The following SOBP variants were observed in gnomAD, a reference collection of about 807,000 sequenced individuals.
The protein encoded by SOBP is sine oculis-binding protein homolog.
A neutral mutation model predicts 53.6 loss-of-function variants in SOBP; 4 were observed. That is an observed-to-expected ratio of 0.07 (90% CI 0.04 to 0.17). SOBP has a LOEUF of 0.17. Among genes scored for constraint, SOBP ranks in the 10% least tolerant of loss-of-function variants. The probability of loss-of-function intolerance (pLI) is 1.00; values close to 1 mark genes in which losing one functional copy is unlikely to be tolerated. For missense variants in SOBP, 1,088 were observed against 1,204.7 expected, an observed-to-expected ratio of 0.90 and a Z score of 1.43; for synonymous variants, 584 against 522.6, an observed-to-expected ratio of 1.12 and a Z score of -1.60.
chr6:107,561,642 C>T (rs927416332), intron 4 of SOBP, among the ~76,000 whole-genome samples: 1 of 152,196 alleles, frequency 6.6e-6, no homozygotes, highest in Non-Finnish European at 1.5e-5. Context: ...AGGAGCTTGG[C>T]TGGTCAGATT....
rs533793334 is a variant in SOBP at position 107,516,579 on chromosome 6, C to T, written c.421+10152C>T. 2.6e-5 allele frequency among the ~76,000 whole-genome samples: 4 copies of T among 151,904 alleles called. No individual in the cohort carries two copies. The East Asian group carries it at 5.8e-4, about 22-fold the overall frequency. ...TAAGGAAATAAAAAGGAGTAAGAAA[C>T]TCAAGATTTGTAAGACAGAAATGCT... On this transcript the variant is annotated intron_variant, in intron 3 of 6. Coordinates refer to ENST00000317357, the MANE Select transcript of SOBP (RefSeq NM_018013.4).
chr6:107,503,529 C>T (rs1438132435), intron 1 of SOBP, 128 bp from the exon 2 acceptor site: 1 of 975,280 alleles, frequency 1.0e-6, no homozygotes, highest in Non-Finnish European at 1.6e-6. Context: ...GAAAAATGAA[C>T]ACCACACTAG....
intron 3 of SOBP, among the ~76,000 whole-genome samples, chr6:107,530,475 T>C (rs554206423): frequency 6.6e-6 from 1 of 152,216 alleles, no homozygotes; most frequent in South Asian, 2.1e-4. Context: ...TTTTGAACTA[T>C]AGTTTGGCTG....
At chr6:107,539,745 A>G (rs376112663) in intron 4 of SOBP, among the ~76,000 whole-genome samples, 1 of 152,230 alleles carries the variant, frequency 6.6e-6, no homozygotes, top group East Asian at 1.9e-4. Flanking sequence ...TGGGACGAAC[A>G]TTCTCCTTAT....
chr6:107,635,063 C>A lies in SOBP; in HGVS notation c.2219C>A (p.Pro740Gln). 6.5e-7 allele frequency: 1 copy of A among 1,538,668 alleles called. No individual in the cohort carries two copies. Residue 740 changes from proline to glutamine, a missense_variant, in exon 6 of 7, where the codon CCG becomes CAG. This residue lies in a region of SOBP where 665 missense variants were observed against 629.7 expected (regional missense o/e 1.06). Transcript: ENST00000317357. This position sits in a 1 kb window ranked among gnomAD's most constrained non-coding sequence, Gnocchi z 4.5. The part of the protein sequence containing the change: ...AAAEGAKSAE[P>Q]PPEQPPPPPP... ...GCCGAGGGCGCTAAGAGCGCGGAGC[C>A]GCCTCCCGAGCAGCCGCCGCCGCCG...
intron 5 of SOBP, among the ~76,000 whole-genome samples, chr6:107,593,502 C>G (rs1167236319): frequency 6.6e-6 from 1 of 152,200 alleles, no homozygotes; most frequent in African/African-American, 2.4e-5. Context: ...CCAAGGGAGG[C>G]ACTGTGGTCT....
intron 5 of SOBP, among the ~76,000 whole-genome samples, chr6:107,620,918 T>G (rs1786980944): frequency 6.6e-6 from 1 of 152,214 alleles, no homozygotes; most frequent in African/African-American, 2.4e-5. Flanking sequence ...TACAGTTTTC[T>G]TCTGCATCTC....
chr6:107,599,367 AACTC>A (rs1354942045), intron 5 of SOBP, among the ~76,000 whole-genome samples: 1 of 152,130 alleles, frequency 6.6e-6, no homozygotes, highest in Non-Finnish European at 1.5e-5. Flanking sequence ...TAACAAATAA[AACTC>A]ATATGAGTAG....
intron 5 of SOBP, among the ~76,000 whole-genome samples, chr6:107,593,149 T>G (rs567673898): frequency 2.0e-5 from 3 of 152,206 alleles, no homozygotes; most frequent in African/African-American, 7.2e-5. Flanking sequence ...ACTTTTCCTA[T>G]ATAAAGACCT....
At chr6:107,506,830 C>T (rs1388257131) in intron 3 of SOBP, among the ~76,000 whole-genome samples, 3 of 151,758 alleles carry the variant, frequency 2.0e-5, no homozygotes, top group Admixed American at 6.6e-5. Context: ...CTGAGGCGGG[C>T]GGATCACCTG....
In SOBP at chr6:107,605,556, G is replaced by A. The variant is rs192396911; in HGVS notation, c.669+18381G>A. ...CCAACAGTGTGTCCTTAGAAGCTGA[G>A]TTTGGGACCCACTGTCTCTGCTGTC... On this transcript the variant is annotated intron_variant, in intron 5 of 6. Transcript: ENST00000317357. Among the ~76,000 whole-genome samples, 20 of 152,358 alleles carry A rather than the reference G, an allele frequency of 1.3e-4. No individual in the cohort carries two copies. In the South Asian group the frequency reaches 2.1e-3, roughly 16 times the overall value.
intron 6 of SOBP, among the ~76,000 whole-genome samples, chr6:107,653,390 A>G (rs1771890255): frequency 1.3e-5 from 2 of 152,238 alleles, no homozygotes; most frequent in African/African-American, 4.8e-5. Flanking sequence ...TTATTGTCCC[A>G]GATAAACAGC....
chr6:107,645,644 G>A (rs1279733007), intron 6 of SOBP, among the ~76,000 whole-genome samples: 1 of 152,206 alleles, frequency 6.6e-6, no homozygotes, highest in Non-Finnish European at 1.5e-5. Flanking sequence ...TTCACTCATT[G>A]TTGTAACCAA....
chr6:107,634,745 CG>C lies in SOBP; in HGVS notation c.1904del (p.Gly635AlafsTer22). The C allele has an allele frequency of 7.5e-7, 1 of 1,332,004 alleles. No homozygotes were observed. The highest frequency in any genetic ancestry group is 9.5e-7 in the Non-Finnish European group (1 of 1,049,198). 82.5% of individuals were successfully genotyped at this position (1,332,004 alleles called of 1,614,324 possible). ...TRRAGSPPGP[P>X]GAGGQLGFPG... ...CGCGCCGGCAGCCCCCCGGGCCCCC[CG>C]GGCGCGGGCGGCCAGCTCGGCTTCC... On this transcript the variant is annotated frameshift_variant, in exon 6 of 7. Transcript: ENST00000317357. LOFTEE classifies it high-confidence loss of function. This position sits in a 1 kb window ranked among gnomAD's most constrained non-coding sequence, Gnocchi z 4.5.
At chr6:107,621,956 A>C (rs978985231) in intron 5 of SOBP, among the ~76,000 whole-genome samples, 6 of 152,198 alleles carry the variant, frequency 3.9e-5, no homozygotes, top group Non-Finnish European at 7.3e-5. Flanking sequence ...TACACATCAG[A>C]GGAAAATTTG....
chr6:107,571,781 A>G (rs1785080507), intron 4 of SOBP, among the ~76,000 whole-genome samples: 1 of 152,228 alleles, frequency 6.6e-6, no homozygotes, highest in East Asian at 1.9e-4. Flanking sequence ...ATTTATAGGA[A>G]TCGCTGCCAC....
At chr6:107,637,053 C>T (rs1268066874) in intron 6 of SOBP, among the ~76,000 whole-genome samples, 1 of 152,072 alleles carries the variant, frequency 6.6e-6, no homozygotes, top group Non-Finnish European at 1.5e-5. Flanking sequence ...AATTGTTTTA[C>T]CCACCTCAGT....
intron 5 of SOBP, among the ~76,000 whole-genome samples, chr6:107,618,917 T>C (rs1037432154): frequency 1.3e-5 from 2 of 152,118 alleles, no homozygotes; most frequent in Non-Finnish European, 2.9e-5. Context: ...CTGCAGAAGC[T>C]GAAACCACAA....
At chr6:107,540,590 C>A (rs1489796598) in intron 4 of SOBP, among the ~76,000 whole-genome samples, 1 of 152,252 alleles carries the variant, frequency 6.6e-6, no homozygotes, top group African/African-American at 2.4e-5. Context: ...TGGGCCAGAG[C>A]TGGGCTCTGC....
Sources: allele counts gnomAD v4.1 joint callset (sites outside exome capture counted in the v4.1 genomes callset), GRCh38; gene constraint gnomAD v4.1.1; regional missense constraint gnomAD v4.1.1; non-coding constraint Gnocchi (gnomAD v3.1); transcripts MANE v1.5; gene names NCBI Gene and HGNC (gene_info 2026-07-23, HGNC 2026-07-21).